The following CAMK4 variants were observed in gnomAD, a reference collection of about 807,000 sequenced individuals.
CAMK4 encodes calcium/calmodulin-dependent protein kinase type IV.
A neutral mutation model predicts 44.9 loss-of-function variants in CAMK4; 22 were observed. That is an observed-to-expected ratio of 0.49 (90% CI 0.35 to 0.70). The LOEUF (loss-of-function observed/expected upper bound fraction) is 0.70, where lower values mean the gene tolerates loss of function less well. Ranked by LOEUF, CAMK4 falls within the 30% of genes least tolerant of loss-of-function variation. The pLI is 0.01. For missense variants in CAMK4, 498 were observed against 586.8 expected, an observed-to-expected ratio of 0.85 and a Z score of 1.56; for synonymous variants, 218 against 215.4, an observed-to-expected ratio of 1.01 and a Z score of -0.11.
chr5:111,224,158 G>A (rs1748043208), upstream of CAMK4: 1 of 227,692 alleles, frequency 4.4e-6, no homozygotes, highest in African/African-American at 2.3e-5. This position sits in a 1 kb window ranked among gnomAD's most constrained non-coding sequence, Gnocchi z 5.7. Flanking sequence ...AGGAAAGAGG[G>A]AGGGCGGCGG....
At chr5:111,354,577 C>T (rs1242014452) in intron 2 of CAMK4, among the ~76,000 whole-genome samples, 1 of 149,934 alleles carries the variant, frequency 6.7e-6, no homozygotes, top group Non-Finnish European at 1.5e-5. Context: ...AGTTTTACCA[C>T]TATAAAGCTG....
chr5:111,245,005 T>C (rs1580472032), intron 1 of CAMK4, among the ~76,000 whole-genome samples: 1 of 152,194 alleles, frequency 6.6e-6, no homozygotes, highest in East Asian at 1.9e-4. Context: ...TGCTAGAATA[T>C]TTAGCAGAAA....
chr5:111,372,785 G>C (rs1213358705), intron 2 of CAMK4, among the ~76,000 whole-genome samples: 2 of 152,102 alleles, frequency 1.3e-5, no homozygotes, highest in Non-Finnish European at 2.9e-5. Flanking sequence ...AAAGTTCCTG[G>C]GTTAGCACTG....
intron 1 of CAMK4, among the ~76,000 whole-genome samples, chr5:111,329,329 G>C (rs369363039): frequency 3.9e-5 from 6 of 151,974 alleles, no homozygotes; most frequent in African/African-American, 1.4e-4. Flanking sequence ...AGACAGGGAT[G>C]CCCTCTCTCA....
At chr5:111,387,299 C>T (rs779293738) in intron 4 of CAMK4, among the ~76,000 whole-genome samples, 11 of 152,190 alleles carry the variant, frequency 7.2e-5, no homozygotes, top group Middle Eastern at 3.4e-3. Flanking sequence ...GAGTCTCTAC[C>T]CATGGTTCAA....
chr5:111,491,382 A>G lies in CAMK4; in HGVS notation c.*6916A>G, dbSNP rs1755824667. 6.6e-6 allele frequency: 1 copy of G among 152,078 alleles called. No individual in the cohort carries two copies. Among genetic ancestry groups the G allele is most frequent in the Non-Finnish European group, 1.5e-5 (1 of 68,016 alleles). 9.4% of individuals were successfully genotyped at this position (152,078 alleles called of 1,614,324 possible). A position where few individuals can be genotyped will look rare whatever the true frequency, so the allele number is the denominator to read the frequency against. On this transcript the variant is annotated 3_prime_UTR_variant, in exon 11 of 11. Transcript: ENST00000282356. ...TGACCCTGGGTTTTCATGGCACCCC[A>G]ATGCCTTTTTGGTGACTTGCAGGAA...
chr5:111,463,681 C>T (rs906076214), intron 7 of CAMK4, among the ~76,000 whole-genome samples: 1 of 152,124 alleles, frequency 6.6e-6, no homozygotes, highest in Non-Finnish European at 1.5e-5. Flanking sequence ...TGTGTAGACA[C>T]CCCCCACTAC....
intron 3 of CAMK4, 70 bp from the exon 4 acceptor site, chr5:111,376,790 A>T: frequency 1.2e-6 from 1 of 863,220 alleles, no homozygotes; most frequent in Non-Finnish European, 1.9e-6. Context: ...TTTTAGCCAT[A>T]GTATTAGCTA....
intron 5 of CAMK4, among the ~76,000 whole-genome samples, chr5:111,400,811 T>C (rs1282988221): frequency 6.6e-6 from 1 of 152,210 alleles, no homozygotes; most frequent in Non-Finnish European, 1.5e-5. Flanking sequence ...TAGGTCAGTC[T>C]GGACATTCTG....
intron 5 of CAMK4, among the ~76,000 whole-genome samples, chr5:111,424,434 CTTTTTTTTTTT>C (rs34618322): frequency 3.1e-5 from 2 of 64,896 alleles, no homozygotes; most frequent in African/African-American, 1.3e-4. Context: ...ATCTTCTATT[CTTTTTTTTTTT>C]TTTTTTTTTT....
intron 4 of CAMK4, among the ~76,000 whole-genome samples, chr5:111,381,919 A>G (rs914508026): frequency 4.1e-5 from 3 of 73,308 alleles, no homozygotes; most frequent in African/African-American, 1.7e-4. Context: ...CTCACTATGC[A>G]AATATGAAAA....
chr5:111,392,722 A>C lies in CAMK4; in HGVS notation c.387-1988A>C, dbSNP rs1057155854. Among the ~76,000 whole-genome samples, 7 of 152,194 alleles carry C rather than the reference A, an allele frequency of 4.6e-5. No individual in the cohort carries two copies. In the East Asian group the frequency reaches 1.2e-3, roughly 25 times the overall value. ...GGAATATGAACATATGTACATATAT[A>C]TTTATTTTTTAATTCAAGAATAACA... On this transcript the variant is annotated intron_variant, in intron 4 of 10. Transcript: ENST00000282356.
chr5:111,443,729 C>A (rs192647705), intron 5 of CAMK4, among the ~76,000 whole-genome samples: 24 of 152,248 alleles, frequency 1.6e-4, no homozygotes, highest in Non-Finnish European at 3.4e-4. Context: ...ACAAAACTTA[C>A]CAGGTCATTT....
At chr5:111,376,194 G>A (rs1201049065) in intron 3 of CAMK4, among the ~76,000 whole-genome samples, 1 of 151,806 alleles carries the variant, frequency 6.6e-6, no homozygotes, top group East Asian at 1.9e-4. Context: ...TCTCTACAAA[G>A]ATAAGTCAAT....
At chr5:111,480,906 T>C (rs888087374) in intron 9 of CAMK4, among the ~76,000 whole-genome samples, 2 of 152,212 alleles carry the variant, frequency 1.3e-5, no homozygotes, top group Non-Finnish European at 2.9e-5. Context: ...AGTTTATCAC[T>C]GCTTAAAACT....
chr5:111,352,015 G>T (rs1043826000), intron 2 of CAMK4, among the ~76,000 whole-genome samples: 1 of 151,988 alleles, frequency 6.6e-6, no homozygotes, highest in African/African-American at 2.4e-5. Flanking sequence ...ACTCTCTTTT[G>T]TCTCTTCATA....
rs117155564 is a variant in CAMK4 at position 111,270,409 on chromosome 5, G to A, written c.161+45765G>A. Among the ~76,000 whole-genome samples, 87 of 152,172 alleles carry A rather than the reference G, an allele frequency of 5.7e-4. 3 individuals carry two copies. The East Asian group carries it at 0.011, about 19-fold the overall frequency. On this transcript the variant is annotated intron_variant, in intron 1 of 10. Coordinates refer to ENST00000282356, the MANE Select transcript of CAMK4 (RefSeq NM_001744.6). Reference sequence around the variant, plus strand: ...TCTTTCTCCCTCTAGTTGCTGCCATGCCCCTGGCCTCTGGAACCTTCAACT... The same window carrying A: ...TCTTTCTCCCTCTAGTTGCTGCCATACCCCTGGCCTCTGGAACCTTCAACT...
chr5:111,318,274 C>T (rs991522204), intron 1 of CAMK4, among the ~76,000 whole-genome samples: 1 of 152,058 alleles, frequency 6.6e-6, no homozygotes, highest in African/African-American at 2.4e-5. Flanking sequence ...CTAGGTGGAT[C>T]ACAATTCTTT....
At chr5:111,301,999 GA>G (rs1365745675) in intron 1 of CAMK4, among the ~76,000 whole-genome samples, 3 of 152,200 alleles carry the variant, frequency 2.0e-5, no homozygotes, top group Non-Finnish European at 4.4e-5. Context: ...ACTGGCATTA[GA>G]ATTCGGTGAG....
Sources: allele counts gnomAD v4.1 joint callset (sites outside exome capture counted in the v4.1 genomes callset), GRCh38; gene constraint gnomAD v4.1.1; non-coding constraint Gnocchi (gnomAD v3.1); transcripts MANE v1.5; gene names NCBI Gene and HGNC (gene_info 2026-07-23, HGNC 2026-07-21).